The following RNF180 variants were observed in gnomAD, a reference collection of about 807,000 sequenced individuals.
The protein encoded by RNF180 is ring finger protein 180.
A neutral mutation model predicts 59.2 loss-of-function variants in RNF180; 38 were observed. The ratio of observed to expected loss-of-function variants is 0.64; its 90% CI spans 0.50 to 0.84. The LOEUF is 0.84. Among genes scored for constraint, RNF180 ranks in the 40% least tolerant of loss-of-function variants. RNF180 has a pLI of 0.00. For missense variants in RNF180, 705 were observed against 700.9 expected, an observed-to-expected ratio of 1.01 and a Z score of -0.07; for synonymous variants, 262 against 240.3, an observed-to-expected ratio of 1.09 and a Z score of -0.84.
chr5:64,318,226 A>G (rs1374596589), intron 5 of RNF180, among the ~76,000 whole-genome samples: 1 of 152,178 alleles, frequency 6.6e-6, no homozygotes, highest in Non-Finnish European at 1.5e-5. Flanking sequence ...ACAATTAACT[A>G]TATTCTGTAA....
intron 5 of RNF180, among the ~76,000 whole-genome samples, chr5:64,282,065 C>CT (rs1464288672): frequency 1.3e-5 from 2 of 151,856 alleles, no homozygotes; most frequent in Non-Finnish European, 2.9e-5. Context: ...CTGAACTTCT[C>CT]TTTTTTGTTG....
chr5:64,194,207 A>G (rs1464657008), intron 1 of RNF180, among the ~76,000 whole-genome samples: 2 of 151,516 alleles, frequency 1.3e-5, no homozygotes, highest in Non-Finnish European at 2.9e-5. Flanking sequence ...TCCTGTGTCC[A>G]TGTGTTCTCA....
chr5:64,350,149 C>T (rs769916832), intron 7 of RNF180, among the ~76,000 whole-genome samples: 2 of 152,132 alleles, frequency 1.3e-5, no homozygotes, highest in Non-Finnish European at 2.9e-5. Context: ...TTTTGATTTG[C>T]ATTTCTCTGA....
intron 5 of RNF180, among the ~76,000 whole-genome samples, chr5:64,226,668 A>G (rs1741779526): frequency 6.6e-6 from 1 of 151,920 alleles, no homozygotes; most frequent in African/African-American, 2.4e-5. Flanking sequence ...TAAATACTAA[A>G]AAAAAAAAAA....
At chr5:64,339,715 C>G (rs1382435475) in intron 7 of RNF180, among the ~76,000 whole-genome samples, 1 of 151,388 alleles carries the variant, frequency 6.6e-6, no homozygotes, top group Non-Finnish European at 1.5e-5. Context: ...CACACACACA[C>G]AAAATTGCGA....
At chr5:64,203,655 AAT>A (rs994810589) in intron 2 of RNF180, among the ~76,000 whole-genome samples, 1 of 152,090 alleles carries the variant, frequency 6.6e-6, no homozygotes, top group Non-Finnish European at 1.5e-5. Context: ...TTATGTACTA[AAT>A]ATATATAAAA....
intron 1 of RNF180, among the ~76,000 whole-genome samples, chr5:64,166,764 A>C (rs932991938): frequency 1.3e-5 from 2 of 152,202 alleles, no homozygotes; most frequent in African/African-American, 4.8e-5. Flanking sequence ...CCCAAGAGGC[A>C]AAGTGATTAT....
rs113718144 is a variant in RNF180, at chr5:64,363,043, G to T, written c.1580-6572G>T. Among the ~76,000 whole-genome samples the T allele has an allele frequency of 1.1e-4, 16 of 151,658 alleles. 2 individuals are homozygous for T. The highest frequency in any genetic ancestry group is 3.6e-4 in the African/African-American group (15 of 41,442). The stretch of plus-strand genomic sequence containing the variant: ...TCTGTAGGTTGTCATTCTGTAGGTT[G>T]TCTTTTTATTCTGTTAATAGTTTCT... On this transcript the variant is annotated intron_variant, in intron 7 of 7. Transcript: ENST00000389100.
At chr5:64,334,151 G>T (rs1490565224) in intron 7 of RNF180, among the ~76,000 whole-genome samples, 1 of 152,146 alleles carries the variant, frequency 6.6e-6, no homozygotes, top group African/African-American at 2.4e-5. Context: ...AGGAGGATTG[G>T]CAAAGAGGAA....
intron 5 of RNF180, among the ~76,000 whole-genome samples, chr5:64,324,552 C>A (rs1481540458): frequency 6.6e-6 from 1 of 152,190 alleles, no homozygotes; most frequent in Non-Finnish European, 1.5e-5. Flanking sequence ...ATTCAAGAAC[C>A]TGCTGTATCT....
intron 7 of RNF180, among the ~76,000 whole-genome samples, chr5:64,367,991 T>C (rs554645624): frequency 4.0e-5 from 6 of 151,728 alleles, no homozygotes; most frequent in Non-Finnish European, 8.9e-5. Flanking sequence ...CAAGTTGCTA[T>C]TGAGCAGGTT....
chr5:64,367,916 G>A (rs1266858003), intron 7 of RNF180, among the ~76,000 whole-genome samples: 4 of 151,634 alleles, frequency 2.6e-5, no homozygotes, highest in Non-Finnish European at 5.9e-5. Context: ...TAGGTTATCA[G>A]TCTTCAGAGA....
rs1162578412 is a variant in RNF180 at position 64,298,487 on chromosome 5, T to C, written c.1228-26699T>C. Among the ~76,000 whole-genome samples the C allele has an allele frequency of 4.6e-5, 7 of 152,040 alleles. 1 individual carries two copies. Among genetic ancestry groups the C allele is most frequent in the Admixed American group, 4.6e-4 (7 of 15,210 alleles). The stretch of plus-strand genomic sequence containing the variant: ...ATAAAAGGATATTTTCTTATAGCTA[T>C]GTCTTACTCCTTTATGCAGTGAAAC... On this transcript the variant is annotated intron_variant, in intron 5 of 7. Coordinates refer to ENST00000389100, the MANE Select transcript of RNF180 (RefSeq NM_001113561.2).
At chr5:64,217,704 T>A (rs1200303109) in intron 5 of RNF180, 1 of 211,344 alleles carries the variant, frequency 4.7e-6, no homozygotes, top group Non-Finnish European at 9.0e-6. Flanking sequence ...ATCCCAGCAC[T>A]TTTGAGAGGC....
chr5:64,177,783 G>A (rs1406584114), intron 1 of RNF180, among the ~76,000 whole-genome samples: 2 of 151,782 alleles, frequency 1.3e-5, no homozygotes, highest in African/African-American at 4.8e-5. Flanking sequence ...GGTGTCTCTA[G>A]GTTAAAATAA....
Position 64,369,725 on chromosome 5 carries a change from G to T in RNF180, c.1690G>T (p.Asp564Tyr). Residue 564 changes from aspartate (D) to tyrosine (Y), a missense_variant, in exon 8 of 8, where the codon GAT becomes TAT. Coordinates refer to ENST00000389100, the MANE Select transcript of RNF180 (RefSeq NM_001113561.2). ...DDSRGWWFDMDMVIIYIYSVN... is the reference protein window; with the variant it reads ...DDSRGWWFDMYMVIIYIYSVN... ...TAGCCGTGGATGGTGGTTTGACATG[G>T]ATATGGTGATCATATATATTTATTC... is the stretch of plus-strand genomic sequence containing the variant. 6.5e-7 allele frequency: 1 copy of T among 1,547,638 alleles called. No individual in the cohort carries two copies. Among genetic ancestry groups the T allele is most frequent in the Non-Finnish European group, 8.7e-7 (1 of 1,144,648 alleles).
intron 6 of RNF180, 62 bp downstream of exon 6, chr5:64,325,473 T>C: frequency 8.4e-7 from 1 of 1,183,584 alleles, no homozygotes; most frequent in Non-Finnish European, 1.2e-6. Context: ...GTTCTAAAGG[T>C]ACTTTATAAA....
chr5:64,268,901 A>G (rs137906336), intron 5 of RNF180, among the ~76,000 whole-genome samples: 2 of 152,212 alleles, frequency 1.3e-5, no homozygotes, highest in East Asian at 3.9e-4. Context: ...TCTGAAACCT[A>G]TATTGATTCA....
chr5:64,325,166 A>T lies in RNF180; in HGVS notation c.1228-20A>T, dbSNP rs1345930262. The stretch of plus-strand genomic sequence containing the variant: ...CAATCTCATACTAAATTAAGAAAAA[A>T]GTTTTCTTATGTTTTGCAGACTTTG... On this transcript the variant is annotated intron_variant, in intron 5 of 7. Coordinates refer to ENST00000389100, the MANE Select transcript of RNF180 (RefSeq NM_001113561.2). The T allele has an allele frequency of 6.8e-7, 1 of 1,476,812 alleles. No individual in the cohort carries two copies. Among genetic ancestry groups the T allele is most frequent in the East Asian group, 2.5e-5 (1 of 40,492 alleles). 91.5% of individuals were successfully genotyped at this position (1,476,812 alleles called of 1,614,324 possible).
Sources: gnomAD v4.1 joint callset for allele counts (sites outside exome capture counted in the v4.1 genomes callset) on GRCh38, gnomAD v4.1.1 for gene constraint, MANE v1.5 for transcripts, NCBI Gene and HGNC (gene_info 2026-07-23, HGNC 2026-07-21) for gene names.